The following AGBL1 variants were observed in gnomAD, a reference collection of about 807,000 sequenced individuals.
AGBL1 encodes the protein cytosolic carboxypeptidase 4.
A neutral mutation model predicts 118.9 loss-of-function variants in AGBL1; 130 were observed. The observed-to-expected ratio is 1.09, with a 90% confidence interval of 0.95 to 1.26. The LOEUF is 1.26. AGBL1 is among the 50% of genes most tolerant of loss of function. AGBL1 has a pLI of 0.00. For synonymous variants in AGBL1, 555 were observed against 478.9 expected (o/e 1.16, Z -2.08); for missense variants, 1,584 against 1,298.1 (o/e 1.22, Z -3.38).
chr15:86,152,728 A>G (rs2141683653), intron 3 of AGBL1, among the ~76,000 whole-genome samples: 2 of 152,358 alleles, frequency 1.3e-5, no homozygotes, highest in African/African-American at 4.8e-5. Context: ...GTGAACAGGC[A>G]TCCTACAGAA....
intron 5 of AGBL1, among the ~76,000 whole-genome samples, chr15:86,222,147 C>T (rs1496882): frequency 1.3e-5 from 2 of 151,780 alleles, no homozygotes; most frequent in East Asian, 1.9e-4. Flanking sequence ...ATTTCCTCTC[C>T]GATATCACCT....
At chr15:86,987,786 C>A (rs1053526830) in intron 23 of AGBL1, among the ~76,000 whole-genome samples, 1 of 152,066 alleles carries the variant, frequency 6.6e-6, no homozygotes, top group Non-Finnish European at 1.5e-5. Flanking sequence ...TTTTACCATA[C>A]ATTATGTATA....
intron 17 of AGBL1, among the ~76,000 whole-genome samples, chr15:86,318,857 T>C (rs2080061384): frequency 6.6e-6 from 1 of 152,068 alleles, no homozygotes; most frequent in Non-Finnish European, 1.5e-5. Context: ...TGAAGTGTTA[T>C]TATTATATGG....
At chr15:86,343,935 A>G (rs766747994) in intron 17 of AGBL1, among the ~76,000 whole-genome samples, 1 of 152,304 alleles carries the variant, frequency 6.6e-6, no homozygotes, top group East Asian at 1.9e-4. Context: ...ATAATCATTG[A>G]ATCACTCCAC....
chr15:86,873,431 C>T (rs2079758026), intron 22 of AGBL1, among the ~76,000 whole-genome samples: 1 of 152,110 alleles, frequency 6.6e-6, no homozygotes, highest in South Asian at 2.1e-4. Flanking sequence ...GAAAAATCTC[C>T]ACTCCACAAT....
At chr15:86,584,231 T>G (rs2084214357) in intron 21 of AGBL1, among the ~76,000 whole-genome samples, 1 of 152,198 alleles carries the variant, frequency 6.6e-6, no homozygotes, top group Admixed American at 6.5e-5. Flanking sequence ...GCAATTGCTT[T>G]TGAGGACTTG....
At chr15:86,627,493 A>C (rs2084905597) in intron 21 of AGBL1, among the ~76,000 whole-genome samples, 1 of 152,206 alleles carries the variant, frequency 6.6e-6, no homozygotes, top group South Asian at 2.1e-4. Flanking sequence ...CAGGTTCTGG[A>C]GTATTAGAGA....
intron 18 of AGBL1, among the ~76,000 whole-genome samples, chr15:86,410,841 T>TATATATATATATATATATATAA (rs67883935): frequency 2.0e-4 from 13 of 64,526 alleles, no homozygotes; most frequent in African/African-American, 8.7e-4. Context: ...TATATATATA[T>TATATATATATATATATATATAA]AATATACTAT....
At chr15:86,454,192 G>C (rs1239025471) in intron 18 of AGBL1, among the ~76,000 whole-genome samples, 2 of 152,176 alleles carry the variant, frequency 1.3e-5, no homozygotes, top group Non-Finnish European at 2.9e-5. Context: ...GGTGCACACT[G>C]TGGTGGCTTC....
chr15:86,297,629 G>A (rs2079666723), intron 17 of AGBL1, among the ~76,000 whole-genome samples: 1 of 152,134 alleles, frequency 6.6e-6, no homozygotes, highest in South Asian at 2.1e-4. Flanking sequence ...TGCATGAAGA[G>A]CTTTAAGGTT....
At chr15:86,144,759 C>G (rs76443248) in intron 3 of AGBL1, among the ~76,000 whole-genome samples, 1 of 152,108 alleles carries the variant, frequency 6.6e-6, no homozygotes, top group Non-Finnish European at 1.5e-5. Flanking sequence ...CAACAAACCC[C>G]CATGACACAA....
At chr15:86,672,732 A>T (rs1288794911) in intron 21 of AGBL1, among the ~76,000 whole-genome samples, 1 of 120,628 alleles carries the variant, frequency 8.3e-6, no homozygotes. Flanking sequence ...GATCTTTTCT[A>T]TTGACTTAAG....
chr15:86,409,307 G>C (rs1198020377), intron 18 of AGBL1, among the ~76,000 whole-genome samples: 2 of 152,168 alleles, frequency 1.3e-5, no homozygotes, highest in African/African-American at 4.8e-5. Context: ...CAATCTTTCT[G>C]ATGAACTTGT....
Position 86,674,441 on chromosome 15 carries a change from G to A in AGBL1, c.3158+5G>A. ...TCTGGACCAGCACCTCCAACGGTAA[G>A]ATGCTCCCAAGGGCTCAGAGAAATT... On this transcript the variant is annotated splice_donor_5th_base_variant and intron_variant, in intron 22 of 22. Coordinates refer to ENST00000614907, the MANE Select transcript of AGBL1 (RefSeq NM_001386094.1). 1 of 1,602,986 alleles carries A rather than the reference G, an allele frequency of 6.2e-7. No individual in the cohort carries two copies. Among genetic ancestry groups the A allele is most frequent in the Non-Finnish European group, 8.5e-7 (1 of 1,171,762 alleles).
intron 22 of AGBL1, among the ~76,000 whole-genome samples, chr15:86,874,050 C>G (rs1302918270): frequency 6.6e-6 from 1 of 152,078 alleles, no homozygotes; most frequent in African/African-American, 2.4e-5. Flanking sequence ...CAATACTTCC[C>G]ATAACCACCT....
chr15:86,468,742 T>C (rs1185034997), intron 18 of AGBL1, among the ~76,000 whole-genome samples: 1 of 152,184 alleles, frequency 6.6e-6, no homozygotes, highest in African/African-American at 2.4e-5. Flanking sequence ...GTTTGTAAAT[T>C]CTTTCGCTAA....
At chr15:86,361,546 T>C (rs1213458337) in intron 17 of AGBL1, among the ~76,000 whole-genome samples, 1 of 152,108 alleles carries the variant, frequency 6.6e-6, no homozygotes, top group Non-Finnish European at 1.5e-5. Flanking sequence ...AATGGAGTAT[T>C]GAAGTCTCCT....
intron 9 of AGBL1, 67 bp downstream of exon 9, chr15:86,258,098 C>T: frequency 2.0e-6 from 3 of 1,509,646 alleles, no homozygotes; most frequent in Non-Finnish European, 2.7e-6. Context: ...AATATTACTT[C>T]CTGTGTTTGC....
intron 22 of AGBL1, among the ~76,000 whole-genome samples, chr15:86,765,165 C>A (rs1328277212): frequency 2.6e-5 from 4 of 151,934 alleles, no homozygotes; most frequent in Middle Eastern, 3.2e-3. Context: ...TGATACAGAC[C>A]CGGAAGCAGA....
Sources: allele counts gnomAD v4.1 joint callset (sites outside exome capture counted in the v4.1 genomes callset), GRCh38; gene constraint gnomAD v4.1.1; transcripts MANE v1.5; gene names NCBI Gene and HGNC (gene_info 2026-07-23, HGNC 2026-07-21).